Variants in NCOA6 observed in about 807,000 individuals in gnomAD.
The protein encoded by NCOA6 is NRC RAP250.
In NCOA6, 49 loss-of-function variants were observed where a neutral mutation model predicts 171.4. That is an observed-to-expected ratio of 0.29 (90% CI 0.23 to 0.36). The LOEUF (loss-of-function observed/expected upper bound fraction) is 0.36. NCOA6 is among the 10% of genes least tolerant of loss of function. The pLI is 1.00. For missense variants in NCOA6, 2,248 were observed against 2,554.5 expected (o/e 0.88, Z 2.59); for synonymous variants, 910 against 927.5 (o/e 0.98, Z 0.34).
intron 14 of NCOA6, among the ~76,000 whole-genome samples, chr20:34,716,489 C>A (rs1163702425): frequency 1.3e-5 from 2 of 152,128 alleles, no homozygotes; most frequent in African/African-American, 2.4e-5. Context: ...GATGGCTCAC[C>A]CCTGTAATCC....
Position 34,750,179 on chromosome 20 carries a change from G to C in NCOA6, c.2016C>G (p.Pro672=). ...TGGGTGGGGTCATCCTTTGGGGCGA[G>C]GGCCCAAGATTTTGGCTCGGGGGGT... ...MVNPPSQNLG[P]SPQRMTPPKQ... Residue 672 remains proline (P), a synonymous_variant, in exon 9 of 15, where the codon CCC becomes CCG. Transcript: ENST00000359003. 6.2e-7 allele frequency: 1 copy of C among 1,612,020 alleles called. No homozygotes were observed. The highest frequency in any genetic ancestry group is 2.2e-5 in the East Asian group (1 of 44,848).
At chr20:34,735,572 A>C (rs930576401) in intron 12 of NCOA6, among the ~76,000 whole-genome samples, 1 of 151,668 alleles carries the variant, frequency 6.6e-6, no homozygotes, top group Admixed American at 6.6e-5. Flanking sequence ...TGAACCCAGG[A>C]GGCAGAGCTT....
intron 3 of NCOA6, among the ~76,000 whole-genome samples, chr20:34,780,000 T>G (rs2077467290): frequency 1.3e-5 from 2 of 152,340 alleles, no homozygotes; most frequent in Admixed American, 6.5e-5. Flanking sequence ...ACCAGTAGCA[T>G]CAGAGATGAC....
chr20:34,821,252 G>A (rs1394723724), intron 1 of NCOA6: 1 of 152,128 alleles, frequency 6.6e-6, no homozygotes, highest in Non-Finnish European at 1.5e-5. Flanking sequence ...CTCTGCTATT[G>A]GTACCACAAA....
rs35848122 is a variant in NCOA6, at chr20:34,751,376, C to CAA, written c.1676-859_1676-858dup. 1.7e-3 allele frequency among the ~76,000 whole-genome samples: 119 copies of CAA among 68,242 alleles called. 11 individuals carry two copies. Among genetic ancestry groups the CAA allele is most frequent in the Admixed American group, 4.6e-3 (21 of 4,566 alleles). The allele number at this position is 68,242 out of a possible 152,430, so 44.8% of individuals were successfully genotyped here. A position where few individuals can be genotyped will look rare whatever the true frequency, so the allele number is the denominator to read the frequency against. ...TGGGCGACAGAGCAAGACTCCGTCTCAAAAAAAAAAAAAAAAAAAAGAATG... is the reference window on the plus strand; with the variant it reads ...TGGGCGACAGAGCAAGACTCCGTCTCAAAAAAAAAAAAAAAAAAAAAAGAATG... On this transcript the variant is annotated intron_variant, in intron 8 of 14. Coordinates refer to ENST00000359003, the MANE Select transcript of NCOA6 (RefSeq NM_014071.5).
chr20:34,783,144 G>A (rs1300592645), intron 2 of NCOA6, among the ~76,000 whole-genome samples: 1 of 152,000 alleles, frequency 6.6e-6, no homozygotes, highest in Non-Finnish European at 1.5e-5. Flanking sequence ...AGCTGGACAT[G>A]GTGGTGTATG....
intron 5 of NCOA6, among the ~76,000 whole-genome samples, chr20:34,767,548 G>A (rs1372228445): frequency 2.6e-5 from 4 of 152,152 alleles, no homozygotes; most frequent in African/African-American, 7.2e-5. Context: ...CACCTGCCTC[G>A]GCCTCCCAAA....
chr20:34,732,568 G>C lies in NCOA6; in HGVS notation c.5990C>G (p.Ser1997Cys). ...GAAATGATCATCTTACCTTTGTCCAGAGACTATGGCAGCATTTACCTCCAG... is the reference window on the plus strand; with the variant it reads ...GAAATGATCATCTTACCTTTGTCCACAGACTATGGCAGCATTTACCTCCAG... ...PELEVNAAIV[S>C]GQSSEPKEIV... The change falls in exon 13 of 15, where the codon TCT becomes TGT. Residue 1997 changes from serine (S) to cysteine (C), a missense_variant. Ser to Cys is a moderately radical substitution (Grantham distance 112). Transcript: ENST00000359003. 1.2e-6 allele frequency: 2 copies of C among 1,613,762 alleles called. No homozygotes were observed. Among genetic ancestry groups the C allele is most frequent in the Non-Finnish European group, 8.5e-7 (1 of 1,179,840 alleles).
intron 11 of NCOA6, among the ~76,000 whole-genome samples, chr20:34,737,849 A>C (rs2076004444): frequency 6.6e-6 from 1 of 152,212 alleles, no homozygotes; most frequent in Non-Finnish European, 1.5e-5. Flanking sequence ...ATAAAGCTTA[A>C]AACTATATCT....
At chr20:34,735,756 C>T (rs895339819) in intron 12 of NCOA6, among the ~76,000 whole-genome samples, 1 of 152,058 alleles carries the variant, frequency 6.6e-6, no homozygotes, top group Non-Finnish European at 1.5e-5. Flanking sequence ...AGTAGAAAGT[C>T]CTATCAGTCA....
chr20:34,757,848 C>T lies in NCOA6; in HGVS notation c.900G>A (p.Gln300=), dbSNP rs536017988. The part of the protein sequence containing the change: ...PPQQHQQQQP[Q]GIRPQFTAPT... Reference sequence around the variant, plus strand: ...GGGCAGTAAACTGGGGTCGAATTCCCTGTGGCTGTTGCTGCTGATGTTGCT... The same window carrying T: ...GGGCAGTAAACTGGGGTCGAATTCCTTGTGGCTGTTGCTGCTGATGTTGCT... The change falls in exon 7 of 15, where the codon CAG becomes CAA. Residue 300 remains glutamine, a synonymous_variant. Coordinates refer to ENST00000359003, the MANE Select transcript of NCOA6 (RefSeq NM_014071.5). 5 of 1,614,108 alleles carry T rather than the reference C, an allele frequency of 3.1e-6. No homozygotes were observed. The highest frequency in any genetic ancestry group is 3.3e-5 in the Admixed American group (2 of 60,020).
Position 34,750,203 on chromosome 20 carries a change from G to A in NCOA6, c.1992C>T (p.Asn664=), listed in dbSNP as rs766612272. Residue 664 remains asparagine, a synonymous_variant, in exon 9 of 15, where the codon AAC becomes AAT. Transcript: ENST00000359003. ...AGGGCCCAAGATTTTGGCTCGGGGG[G>A]TTCACCATCATCTGGCCCTGTGGCA... The part of the protein sequence containing the change: ...QLMPQGQMMV[N]PPSQNLGPSP... 3 of 1,610,988 alleles carry A rather than the reference G, an allele frequency of 1.9e-6. No individual in the cohort carries two copies. Among genetic ancestry groups the A allele is most frequent in the East Asian group, 2.2e-5 (1 of 44,844 alleles).
intron 13 of NCOA6, among the ~76,000 whole-genome samples, chr20:34,730,260 A>T (rs1036932425): frequency 6.8e-6 from 1 of 147,776 alleles, no homozygotes; most frequent in Non-Finnish European, 1.5e-5. Context: ...TTTATTTTTT[A>T]TTTTTTTTTC....
In NCOA6 at chr20:34,758,873, G is replaced by A; in HGVS notation, c.575C>T (p.Ser192Phe). 1 of 1,613,720 alleles carries A rather than the reference G, an allele frequency of 6.2e-7. No individual in the cohort carries two copies. Among genetic ancestry groups the A allele is most frequent in the Non-Finnish European group, 8.5e-7 (1 of 1,179,900 alleles). The change falls in exon 6 of 15, where the codon TCT becomes TTT. Residue 192 changes from serine to phenylalanine, a missense_variant. By Grantham distance (155) the Ser-to-Phe change is radical. Around this residue, in one of 7 missense-constraint regions of NCOA6, gnomAD observed 987 missense variants for 1,104.7 expected, o/e 0.89. Transcript: ENST00000359003. ...VMIPPGGNVS[S>F]SMMAPGPNPE... The stretch of plus-strand genomic sequence containing the variant: ...ATTGGGGCCTGGTGCCATCATGGAA[G>A]ATGACACATTTCCACCCGGGGGTAT...
chr20:34,723,478 G>A (rs943389677), intron 14 of NCOA6, among the ~76,000 whole-genome samples: 2 of 152,142 alleles, frequency 1.3e-5, no homozygotes, highest in Non-Finnish European at 2.9e-5. Flanking sequence ...CGACTGATGC[G>A]GATATCTATA....
chr20:34,809,088 T>C (rs1222613863), intron 1 of NCOA6, among the ~76,000 whole-genome samples: 2 of 152,230 alleles, frequency 1.3e-5, no homozygotes, highest in East Asian at 3.8e-4. Flanking sequence ...ATGCTTATTT[T>C]GCTTTTTGGA....
chr20:34,813,003 T>C (rs2078718263), intron 1 of NCOA6, among the ~76,000 whole-genome samples: 1 of 151,542 alleles, frequency 6.6e-6, no homozygotes, highest in South Asian at 2.1e-4. Flanking sequence ...CTATTAAAAA[T>C]ATAAAATTAG....
intron 3 of NCOA6, among the ~76,000 whole-genome samples, chr20:34,777,747 T>C (rs1464258469): frequency 1.3e-5 from 2 of 152,128 alleles, no homozygotes; most frequent in Non-Finnish European, 2.9e-5. Flanking sequence ...CAATTCTACC[T>C]CGGAGTACAC....
At chr20:34,720,288 T>C (rs1193298433) in intron 14 of NCOA6, among the ~76,000 whole-genome samples, 2 of 152,254 alleles carry the variant, frequency 1.3e-5, no homozygotes, top group Admixed American at 6.5e-5. Flanking sequence ...ACAACACATC[T>C]GATCAGGTGC....
Sources: gnomAD v4.1 joint callset for allele counts (sites outside exome capture counted in the v4.1 genomes callset) on GRCh38, gnomAD v4.1.1 for gene constraint, gnomAD v4.1.1 regional missense constraint, MANE v1.5 for transcripts, NCBI Gene and HGNC (gene_info 2026-07-23, HGNC 2026-07-21) for gene names.